Variants in ZNF407 observed in about 807,000 individuals in gnomAD.
The protein encoded by ZNF407 is zinc finger protein 407.
In ZNF407, 17 loss-of-function variants were observed where a neutral mutation model predicts 131.2. That is an observed-to-expected ratio of 0.13 (90% CI 0.09 to 0.19). The LOEUF is 0.19. Ranked by LOEUF, ZNF407 falls within the 10% of genes least tolerant of loss-of-function variation. ZNF407 has a pLI of 1.00. For missense variants in ZNF407, 2,681 were observed against 2,830.6 expected (o/e 0.95, Z 1.20); for synonymous variants, 1,156 against 1,062.0 (o/e 1.09, Z -1.72).
rs116833223 is a variant in ZNF407 at position 75,030,666 on chromosome 18, G to A, written c.5429-32484G>A. 5.4e-3 allele frequency among the ~76,000 whole-genome samples: 827 copies of A among 152,314 alleles called. 8 individuals carry two copies. The highest frequency in any genetic ancestry group is 0.019 in the African/African-American group (772 of 41,560). On this transcript the variant is annotated intron_variant, in intron 8 of 8. Transcript: ENST00000299687. ...CCCTCGGGCTCGGCTGGAAGTAGTG[G>A]CCACAGAAGGCATTTAGGAGTGGCA...
At chr18:74,930,031 C>G (rs1971964398) in intron 8 of ZNF407, among the ~76,000 whole-genome samples, 1 of 152,142 alleles carries the variant, frequency 6.6e-6, no homozygotes, top group African/African-American at 2.4e-5. Context: ...AATACGTTGC[C>G]ATTTTCTATG....
chr18:74,817,439 A>AT (rs1206989610), intron 4 of ZNF407, among the ~76,000 whole-genome samples: 1 of 152,172 alleles, frequency 6.6e-6, no homozygotes, highest in Non-Finnish European at 1.5e-5. Flanking sequence ...TGTGGTTGGC[A>AT]TTTTTCCCTG....
intron 8 of ZNF407, among the ~76,000 whole-genome samples, chr18:74,961,179 T>C (rs746788662): frequency 2.0e-5 from 3 of 152,216 alleles, no homozygotes; most frequent in Non-Finnish European, 2.9e-5. Flanking sequence ...GTCTTTTAAA[T>C]GCTTTCCATT....
Position 74,633,412 on chromosome 18 carries a change from A to C in ZNF407, c.2393A>C (p.Glu798Ala). 2 of 1,614,048 alleles carry C rather than the reference A, an allele frequency of 1.2e-6. No homozygotes were observed. Among genetic ancestry groups the C allele is most frequent in the Non-Finnish European group, 1.7e-6 (2 of 1,179,910 alleles). ...EFDVSGNGRIEGHIGVQLQEH... is the reference protein window; with the variant it reads ...EFDVSGNGRIAGHIGVQLQEH... ...GATGTTTCCGGAAATGGAAGGATTG[A>C]AGGCCATATAGGTGTGCAATTACAA... The change falls in exon 2 of 9, where the codon GAA becomes GCA. Residue 798 changes from glutamate to alanine, a missense_variant. Physicochemically the swap from Glu to Ala is moderately radical, Grantham distance 107. This residue lies in a region of ZNF407 where 1,789 missense variants were observed against 1,748.7 expected (regional missense o/e 1.02). Coordinates refer to ENST00000299687, the MANE Select transcript of ZNF407 (RefSeq NM_017757.3).
At chr18:74,791,911 T>C (rs1247686128) in intron 4 of ZNF407, among the ~76,000 whole-genome samples, 1 of 152,222 alleles carries the variant, frequency 6.6e-6, no homozygotes, top group Non-Finnish European at 1.5e-5. Context: ...GTTTTCTTTT[T>C]CATGATGGAC....
intron 3 of ZNF407, among the ~76,000 whole-genome samples, chr18:74,659,643 A>G (rs955359917): frequency 1.3e-5 from 2 of 152,222 alleles, no homozygotes; most frequent in Non-Finnish European, 2.9e-5. Context: ...AAGAAAGCAC[A>G]TAATTTGTGA....
chr18:74,861,655 G>A (rs1015461258), intron 4 of ZNF407, among the ~76,000 whole-genome samples: 5 of 152,114 alleles, frequency 3.3e-5, no homozygotes, highest in Admixed American at 1.3e-4. Context: ...CTACCATATC[G>A]ATAACGATTG....
intron 3 of ZNF407, among the ~76,000 whole-genome samples, chr18:74,695,933 A>G (rs1179453193): frequency 6.6e-6 from 1 of 152,224 alleles, no homozygotes; most frequent in Non-Finnish European, 1.5e-5. Context: ...AAGTTGATGG[A>G]AAGATGGTCT....
intron 3 of ZNF407, among the ~76,000 whole-genome samples, chr18:74,727,690 A>G (rs1318539039): frequency 6.6e-6 from 1 of 152,166 alleles, no homozygotes; most frequent in Admixed American, 6.6e-5. Context: ...TAGGAGGGAG[A>G]TGAGAGCAAA....
intron 1 of ZNF407, among the ~76,000 whole-genome samples, chr18:74,612,465 C>T (rs765097153): frequency 2.0e-5 from 3 of 152,060 alleles, no homozygotes; most frequent in Non-Finnish European, 2.9e-5. Flanking sequence ...GCATACTCTA[C>T]GTAGGGACTT....
chr18:74,752,521 G>A (rs1020567591), intron 3 of ZNF407, among the ~76,000 whole-genome samples: 5 of 152,190 alleles, frequency 3.3e-5, no homozygotes, highest in Non-Finnish European at 7.3e-5. Context: ...TAACATTTAA[G>A]TCTTTAATCC....
intron 8 of ZNF407, among the ~76,000 whole-genome samples, chr18:75,056,186 G>C (rs941322440): frequency 6.6e-5 from 10 of 152,184 alleles, no homozygotes; most frequent in Admixed American, 3.3e-4. Context: ...TGTACTCTGA[G>C]ATAAATCTCA....
intron 1 of ZNF407, among the ~76,000 whole-genome samples, chr18:74,607,427 A>G (rs1416288643): frequency 1.3e-5 from 2 of 152,086 alleles, no homozygotes; most frequent in Non-Finnish European, 2.9e-5. Context: ...CGGATAATCT[A>G]GTTCTTTAAT....
At chr18:74,690,959 T>G (rs1385159701) in intron 3 of ZNF407, among the ~76,000 whole-genome samples, 1 of 152,200 alleles carries the variant, frequency 6.6e-6, no homozygotes, top group African/African-American at 2.4e-5. Flanking sequence ...CTTCGTATGC[T>G]TCAAAAGAAG....
intron 4 of ZNF407, among the ~76,000 whole-genome samples, chr18:74,862,212 G>A (rs28530701): frequency 0.019 from 2,923 of 152,280 alleles, 82 homozygotes; most frequent in African/African-American, 0.067. Context: ...ATTTTAAGCA[G>A]TGAGGAAACC....
intron 4 of ZNF407, among the ~76,000 whole-genome samples, chr18:74,830,852 C>T (rs1348011278): frequency 6.6e-6 from 1 of 152,122 alleles, no homozygotes; most frequent in Non-Finnish European, 1.5e-5. Flanking sequence ...GTATCTAACC[C>T]TAGAACTTAT....
At chr18:74,961,757 C>T (rs1972348190) in intron 8 of ZNF407, among the ~76,000 whole-genome samples, 1 of 151,272 alleles carries the variant, frequency 6.6e-6, no homozygotes, top group African/African-American at 2.4e-5. Flanking sequence ...CAGATAATTG[C>T]AGTAGAATGA....
intron 3 of ZNF407, among the ~76,000 whole-genome samples, chr18:74,740,186 C>G (rs1409721139): frequency 6.6e-6 from 1 of 152,174 alleles, no homozygotes; most frequent in Non-Finnish European, 1.5e-5. Context: ...CTCTCAGTTT[C>G]TGGTGGCTGA....
chr18:74,736,232 C>T (rs1418001301), intron 3 of ZNF407, among the ~76,000 whole-genome samples: 2 of 151,654 alleles, frequency 1.3e-5, no homozygotes, highest in Non-Finnish European at 3.0e-5. Flanking sequence ...GTGTTTTGCA[C>T]TCAATTATAT....
Sources: allele counts gnomAD v4.1 joint callset (sites outside exome capture counted in the v4.1 genomes callset), GRCh38; gene constraint gnomAD v4.1.1; regional missense constraint gnomAD v4.1.1; transcripts MANE v1.5; gene names NCBI Gene and HGNC (gene_info 2026-07-23, HGNC 2026-07-21).